Variants in ST6GAL1 observed in about 807,000 individuals in gnomAD.
The protein encoded by ST6GAL1 is ST6 beta-galactoside alpha-2,6-sialyltransferase 1, also known as beta-galactoside alpha-2,6-sialyltransferase 1.
Under a neutral mutation model 38.0 loss-of-function variants are expected in ST6GAL1, and 20 were observed. That is an observed-to-expected ratio of 0.53 (90% CI 0.37 to 0.77). ST6GAL1 has a LOEUF of 0.77. Among genes scored for constraint, ST6GAL1 ranks in the 30% least tolerant of loss-of-function variants. The probability of loss-of-function intolerance (pLI) is 0.00; values close to 1 mark genes in which losing one functional copy is unlikely to be tolerated. For synonymous variants in ST6GAL1, 196 were observed against 188.2 expected (o/e 1.04, Z -0.34); for missense variants, 432 against 496.4 (o/e 0.87, Z 1.23).
intron 2 of ST6GAL1, among the ~76,000 whole-genome samples, chr3:187,028,001 G>A (rs1195336602): frequency 6.6e-6 from 1 of 152,218 alleles, no homozygotes; most frequent in African/African-American, 2.4e-5. Flanking sequence ...TTGACCATTT[G>A]GTTAGCAATG....
At chr3:187,007,616 A>G (rs11717223) in intron 2 of ST6GAL1, among the ~76,000 whole-genome samples, 27,694 of 152,218 alleles carry the variant, frequency 0.18, 2,567 homozygotes, top group African/African-American at 0.19. Context: ...GAGTCTCACA[A>G]CATATTAAAA....
At chr3:187,066,849 T>TC (rs1419057770) in intron 5 of ST6GAL1, among the ~76,000 whole-genome samples, 1 of 151,838 alleles carries the variant, frequency 6.6e-6, no homozygotes, top group Non-Finnish European at 1.5e-5. Context: ...CAGGTCACAC[T>TC]CCCCCTGCAG....
chr3:186,936,309 A>T (rs1713950380), intron 1 of ST6GAL1, among the ~76,000 whole-genome samples: 1 of 152,254 alleles, frequency 6.6e-6, no homozygotes, highest in African/African-American at 2.4e-5. Context: ...GGAATAATTC[A>T]TTAATGAAAT....
intron 2 of ST6GAL1, among the ~76,000 whole-genome samples, chr3:187,024,495 G>T (rs35534639): frequency 0.21 from 7,910 of 38,200 alleles, 223 homozygotes; most frequent in African/African-American, 0.24. Flanking sequence ...TATATATATA[G>T]AGAGAGAGAG....
intron 2 of ST6GAL1, among the ~76,000 whole-genome samples, chr3:186,997,240 T>C (rs544543868): frequency 6.6e-6 from 1 of 152,152 alleles, no homozygotes; most frequent in African/African-American, 2.4e-5. Context: ...AGCACTGTCA[T>C]ACGTGTTATC....
At chr3:186,954,306 CTT>C (rs984931210) in intron 1 of ST6GAL1, among the ~76,000 whole-genome samples, 3 of 152,136 alleles carry the variant, frequency 2.0e-5, no homozygotes, top group African/African-American at 4.8e-5. Context: ...GTGCATGTAT[CTT>C]TATAATAGAA....
chr3:186,970,989 C>G (rs6795811), intron 2 of ST6GAL1, among the ~76,000 whole-genome samples: 2 of 152,200 alleles, frequency 1.3e-5, no homozygotes, highest in Non-Finnish European at 2.9e-5. Context: ...CAAACCATTT[C>G]CTAGAGGGGC....
intron 2 of ST6GAL1, among the ~76,000 whole-genome samples, chr3:187,013,863 G>A (rs914144797): frequency 2.0e-5 from 3 of 152,194 alleles, no homozygotes; most frequent in South Asian, 4.1e-4. Flanking sequence ...GGGATTACAG[G>A]CATGAGCCAC....
At chr3:186,974,727 G>T (rs1221362461) in intron 2 of ST6GAL1, among the ~76,000 whole-genome samples, 1 of 23,066 alleles carries the variant, frequency 4.3e-5, no homozygotes, top group Admixed American at 3.8e-4. Context: ...GAGCCTGGTT[G>T]GGGGGGGGGC....
chr3:187,036,244 A>C (rs1717927912), intron 2 of ST6GAL1, among the ~76,000 whole-genome samples: 1 of 152,182 alleles, frequency 6.6e-6, no homozygotes, highest in Non-Finnish European at 1.5e-5. Context: ...TAAGTCAAAA[A>C]ACACCAGATG....
chr3:186,984,778 C>CCTT (rs1367178200), intron 2 of ST6GAL1, among the ~76,000 whole-genome samples: 82 of 28,974 alleles, frequency 2.8e-3, no homozygotes, highest in South Asian at 4.5e-3. Context: ...TTCCTTCCTT[C>CCTT]CCTTCCTCCC....
chr3:187,058,420 C>A (rs1718794838), intron 5 of ST6GAL1, among the ~76,000 whole-genome samples: 1 of 152,156 alleles, frequency 6.6e-6, no homozygotes. Context: ...CCTATTTGAC[C>A]ATCATAAGAA....
In ST6GAL1 at chr3:186,982,698, C is replaced by T. The variant is rs111672654; in HGVS notation, c.-183+18772C>T. On this transcript the variant is annotated intron_variant, in intron 2 of 7. Transcript: ENST00000169298. ...TGTAATTCTCTCTGTCTTATTTCTT[C>T]GAGAAGGAGTTTCGCTCTTGTTGCC... is the stretch of plus-strand genomic sequence containing the variant. Among the ~76,000 whole-genome samples the T allele has an allele frequency of 5.3e-3, 799 of 151,828 alleles. 4 individuals are homozygous for T. Among genetic ancestry groups the T allele is most frequent in the African/African-American group, 0.019 (767 of 41,346 alleles).
At position 187,076,472 on chromosome 3, in the gene ST6GAL1, A is replaced by G. The variant is rs1277394078; in HGVS notation, c.*669A>G. On this transcript the variant is annotated 3_prime_UTR_variant, in exon 8 of 8. Coordinates refer to ENST00000169298, the MANE Select transcript of ST6GAL1 (RefSeq NM_173216.2). The stretch of plus-strand genomic sequence containing the variant: ...GAAGGTAGAGAAGGATACAGTGTCT[A>G]TCCTCAAGTTGCTACGGTTCAGTGA... 1 of 189,048 alleles carries G rather than the reference A, an allele frequency of 5.3e-6. No individual in the cohort carries two copies. The highest frequency in any genetic ancestry group is 1.1e-5 in the Non-Finnish European group (1 of 93,610). 11.7% of individuals were successfully genotyped at this position (189,048 alleles called of 1,614,324 possible).
intron 2 of ST6GAL1, among the ~76,000 whole-genome samples, chr3:187,022,427 C>T (rs538222653): frequency 1.3e-5 from 2 of 152,206 alleles, no homozygotes; most frequent in South Asian, 2.1e-4. Context: ...GATTCTTTAG[C>T]TAACAGTAGC....
intron 2 of ST6GAL1, among the ~76,000 whole-genome samples, chr3:187,024,067 T>G (rs1391437410): frequency 6.6e-6 from 1 of 151,626 alleles, no homozygotes; most frequent in Non-Finnish European, 1.5e-5. Flanking sequence ...TATATATGTT[T>G]TATATATATA....
At chr3:187,025,255 A>G (rs1717493010) in intron 2 of ST6GAL1, among the ~76,000 whole-genome samples, 1 of 152,110 alleles carries the variant, frequency 6.6e-6, no homozygotes, top group African/African-American at 2.4e-5. Flanking sequence ...GTTTGCTTTA[A>G]ATTACTCCAA....
intron 4 of ST6GAL1, among the ~76,000 whole-genome samples, chr3:187,045,783 C>A (rs182094815): frequency 8.4e-4 from 128 of 152,266 alleles, no homozygotes; most frequent in African/African-American, 3.0e-3. Flanking sequence ...AAATTTTCTT[C>A]TATTCTTGTC....
At chr3:187,040,825 C>T (rs1718101240) in intron 3 of ST6GAL1, among the ~76,000 whole-genome samples, 1 of 152,200 alleles carries the variant, frequency 6.6e-6, no homozygotes, top group Non-Finnish European at 1.5e-5. Context: ...TAATCATTTC[C>T]ACAACTTCAG....
Sources: gnomAD v4.1 joint callset for allele counts (sites outside exome capture counted in the v4.1 genomes callset) on GRCh38, gnomAD v4.1.1 for gene constraint, MANE v1.5 for transcripts, NCBI Gene and HGNC (gene_info 2026-07-23, HGNC 2026-07-21) for gene names.